MGAM: variants seen among roughly 807,000 people sequenced by gnomAD.
MGAM encodes alpha-1,4-glucosidase.
MGAM carries 253 observed loss-of-function variants against 358.8 expected under a neutral mutation model. The ratio of observed to expected loss-of-function variants is 0.71; its 90% CI spans 0.64 to 0.78. MGAM has a LOEUF of 0.78. Among genes scored for constraint, MGAM ranks in the 30% least tolerant of loss-of-function variants. The probability of loss-of-function intolerance (pLI) is 0.00; values close to 1 mark genes in which losing one functional copy is unlikely to be tolerated. For missense variants in MGAM, 3,080 were observed against 3,432.6 expected, an observed-to-expected ratio of 0.90 and a Z score of 2.57; for synonymous variants, 1,105 against 1,227.1, an observed-to-expected ratio of 0.90 and a Z score of 2.08.
rs1393822150 is a variant in MGAM, at chr7:142,048,164, T to TTTAC, written c.2587+294_2587+295insCTTA. On this transcript the variant is annotated intron_variant, in intron 22 of 70. Coordinates refer to ENST00000475668, the MANE Select transcript of MGAM (RefSeq NM_001365693.1). Reference sequence around the variant, plus strand: ...ATTTATTTATTTATTTATTTATTTATTTATTGAGGTGGAGTTTTGCTCTTG... The same window carrying TTTAC: ...ATTTATTTATTTATTTATTTATTTATTTACTTATTGAGGTGGAGTTTTGCTCTTG... Among the ~76,000 whole-genome samples the TTTAC allele has an allele frequency of 1.5e-4, 19 of 129,856 alleles. 1 individual carries two copies. The highest frequency in any genetic ancestry group is 4.2e-4 in the African/African-American group (15 of 35,892). 85.2% of individuals were successfully genotyped at this position (129,856 alleles called of 152,430 possible). A position where few individuals can be genotyped will look rare whatever the true frequency, so the allele number is the denominator to read the frequency against.
At chr7:142,064,332 G>C (rs1261249678) in intron 36 of MGAM, 52 bp from the exon 37 acceptor site, 13 of 1,573,322 alleles carry the variant, frequency 8.3e-6, no homozygotes. Flanking sequence ...AGAGAAGTCA[G>C]GGAGAAACAG....
chr7:142,013,386 C>G (rs542231815), intron 3 of MGAM, among the ~76,000 whole-genome samples: 2 of 152,280 alleles, frequency 1.3e-5, no homozygotes, highest in South Asian at 4.1e-4. Context: ...GTCCTTTTAA[C>G]CAGCTTGCAT....
chr7:142,059,886 C>A lies in MGAM; in HGVS notation c.3979C>A (p.Pro1327Thr), dbSNP rs1323643098. Residue 1327 changes from proline (P) to threonine (T), a missense_variant, in exon 33 of 71, where the codon CCT (proline) becomes ACT (threonine). Coordinates refer to ENST00000475668, the MANE Select transcript of MGAM (RefSeq NM_001365693.1). Reference protein sequence around the residue: ...DPAISGNETQPYPAFTRGVED... With the variant: ...DPAISGNETQTYPAFTRGVED... Reference sequence around the variant, plus strand: ...AGCCATTTCTGGCAATGAGACACAGCCTTATCCTGCCTTCACTCGGGGCGT... The same window carrying A: ...AGCCATTTCTGGCAATGAGACACAGACTTATCCTGCCTTCACTCGGGGCGT... 2 of 1,610,912 alleles carry A rather than the reference C, an allele frequency of 1.2e-6. No homozygotes were observed. Among genetic ancestry groups the A allele is most frequent in the South Asian group, 1.1e-5 (1 of 90,256 alleles).
intron 68 of MGAM, among the ~76,000 whole-genome samples, chr7:142,101,258 G>A (rs1435903588): frequency 6.6e-6 from 1 of 152,014 alleles, no homozygotes; most frequent in Non-Finnish European, 1.5e-5. Flanking sequence ...TCTATCCGTT[G>A]TATTATTTAT....
intron 24 of MGAM, 151 bp from the exon 25 acceptor site, chr7:142,052,143 G>C: frequency 1.5e-6 from 1 of 677,994 alleles, no homozygotes. Context: ...CCAATGTGCA[G>C]TTCTCTTCTT....
chr7:141,987,959 A>G (rs1803780969), intron 2 of MGAM, among the ~76,000 whole-genome samples: 1 of 152,140 alleles, frequency 6.6e-6, no homozygotes, highest in South Asian at 2.1e-4. Flanking sequence ...GCCTTATCTT[A>G]AAGGATTGTT....
At chr7:142,091,830 G>C (rs1348195593) in intron 57 of MGAM, 83 bp from the exon 58 acceptor site, 2 of 1,344,902 alleles carry the variant, frequency 1.5e-6, no homozygotes, top group Non-Finnish European at 2.0e-6. Context: ...TGAAGTATTT[G>C]TGCGAGTTGC....
chr7:141,999,944 T>C (rs1401639866), intron 1 of MGAM, among the ~76,000 whole-genome samples: 2 of 152,122 alleles, frequency 1.3e-5, no homozygotes, highest in African/African-American at 4.8e-5. Flanking sequence ...CTTGTATAGC[T>C]AGAAAATAGA....
Position 142,030,435 on chromosome 7 carries a change from G to T in MGAM, c.1295G>T (p.Gly432Val), listed in dbSNP as rs1371928155. The T allele has an allele frequency of 6.2e-7, 1 of 1,613,432 alleles. No individual in the cohort carries two copies. Among genetic ancestry groups the T allele is most frequent in the African/African-American group, 1.3e-5 (1 of 74,864 alleles). ...DFTYDSVDFKGFPEFVNELHN... is the reference protein window; with the variant it reads ...DFTYDSVDFKVFPEFVNELHN... ...ACTTATGATTCAGTGGATTTTAAAG[G>T]CTTCCCTGAATTTGTCAACGAGTTA... The change falls in exon 11 of 71, where the codon GGC becomes GTC. Residue 432 changes from glycine to valine, a missense_variant. Physicochemically the swap from Gly to Val is moderately radical, Grantham distance 109 (BLOSUM62 -3). Coordinates refer to ENST00000475668, the MANE Select transcript of MGAM (RefSeq NM_001365693.1).
chr7:142,099,019 G>A (rs1338670693), intron 66 of MGAM, among the ~76,000 whole-genome samples: 2 of 152,194 alleles, frequency 1.3e-5, no homozygotes, highest in African/African-American at 4.8e-5. Flanking sequence ...AGTTTTATTG[G>A]AACACAGCCA....
At chr7:142,025,252 C>A in intron 8 of MGAM, 103 bp downstream of exon 8, 1 of 858,786 alleles carries the variant, frequency 1.2e-6, no homozygotes. Context: ...GTGACTGAGC[C>A]ATAGTGTAGG....
Position 142,075,433 on chromosome 7 carries a change from A to G in MGAM, c.5276-770A>G, listed in dbSNP as rs996230295. ...AAAGGCAAAATGCCAAAAAGTAAACAGGCGTGACTACATCAAACTAAAAGG... is the reference window on the plus strand; with the variant it reads ...AAAGGCAAAATGCCAAAAAGTAAACGGGCGTGACTACATCAAACTAAAAGG... On this transcript the variant is annotated intron_variant, in intron 45 of 70. Coordinates refer to ENST00000475668, the MANE Select transcript of MGAM (RefSeq NM_001365693.1). Among the ~76,000 whole-genome samples, 4 of 146,710 alleles carry G rather than the reference A, an allele frequency of 2.7e-5. No individual in the cohort carries two copies. The Admixed American group carries it at 2.7e-4, about 10-fold the overall frequency.
chr7:142,047,641 C>A, intron 21 of MGAM, 144 bp from the exon 22 acceptor site: 1 of 724,268 alleles, frequency 1.4e-6, no homozygotes, highest in Non-Finnish European at 2.4e-6. Context: ...GGGCGCCTGT[C>A]AATTTTGTGT....
At chr7:142,037,211 C>A (rs1808072155) in intron 18 of MGAM, among the ~76,000 whole-genome samples, 1 of 152,158 alleles carries the variant, frequency 6.6e-6, no homozygotes, top group African/African-American at 2.4e-5. Flanking sequence ...GAGAATTAGA[C>A]TAAAAGTCAT....
At chr7:142,048,516 A>ATTTTTTTTTTTTTTTTTTTTTTT (rs1563163857) in intron 22 of MGAM, among the ~76,000 whole-genome samples, 3 of 152,058 alleles carry the variant, frequency 2.0e-5, no homozygotes, top group East Asian at 1.9e-4. Flanking sequence ...CCGTAACCCA[A>ATTTTTTTTTTTTTTTTTTTTTTT]TGTTAATGTC....
At chr7:142,026,711 G>T (rs1490766981) in intron 8 of MGAM, among the ~76,000 whole-genome samples, 2 of 152,146 alleles carry the variant, frequency 1.3e-5, no homozygotes, top group Non-Finnish European at 2.9e-5. Flanking sequence ...TATGACAATT[G>T]CTTTTTATTG....
At chr7:142,098,974 C>CG (rs1816201609) in intron 66 of MGAM, among the ~76,000 whole-genome samples, 2 of 152,246 alleles carry the variant, frequency 1.3e-5, no homozygotes, top group African/African-American at 2.4e-5. Context: ...CTATGGCCCA[C>CG]AGCCAAATCT....
chr7:142,063,069 A>G (rs1331895046), intron 35 of MGAM, among the ~76,000 whole-genome samples: 1 of 152,150 alleles, frequency 6.6e-6, no homozygotes, highest in African/African-American at 2.4e-5. Flanking sequence ...GTGGTGGCAC[A>G]TGCCTATAAT....
chr7:142,099,715 C>G lies in MGAM; in HGVS notation c.7852C>G (p.Pro2618Ala). Residue 2618 changes from proline to alanine, a missense_variant, in exon 67 of 71, where the codon CCT (proline) becomes GCT (alanine). Around this residue, in one of 5 missense-constraint regions of MGAM, gnomAD observed 194 missense variants for 172.8 expected, o/e 1.12. Transcript: ENST00000475668. ...GGGCTACATCCTGCCCTGGCAAGAG[C>G]CTGCACTGAACACCCACTTAAGGTA... ...RGGYILPWQE[P>A]ALNTHLSRQK... The G allele has an allele frequency of 2.5e-6, 4 of 1,613,972 alleles. No individual in the cohort carries two copies. The highest frequency in any genetic ancestry group is 3.4e-6 in the Non-Finnish European group (4 of 1,179,870).
Sources: allele counts gnomAD v4.1 joint callset (sites outside exome capture counted in the v4.1 genomes callset), GRCh38; gene constraint gnomAD v4.1.1; regional missense constraint gnomAD v4.1.1; transcripts MANE v1.5; gene names NCBI Gene and HGNC (gene_info 2026-07-23, HGNC 2026-07-21).